EPB41L4A: variants seen among roughly 807,000 people sequenced by gnomAD.
EPB41L4A encodes the protein erythrocyte membrane protein band 4.1 like 4A.
A neutral mutation model predicts 108.6 loss-of-function variants in EPB41L4A; 100 were observed. The ratio of observed to expected loss-of-function variants is 0.92; its 90% CI spans 0.78 to 1.09. The LOEUF (loss-of-function observed/expected upper bound fraction) is 1.09. Among genes scored for constraint, EPB41L4A ranks in the 50% least tolerant of loss-of-function variants. EPB41L4A has a pLI of 0.00. For missense variants in EPB41L4A, 1,030 were observed against 842.7 expected, an observed-to-expected ratio of 1.22 and a Z score of -2.75; for synonymous variants, 319 against 289.0, an observed-to-expected ratio of 1.10 and a Z score of -1.05.
chr5:112,214,363 ACTG>A (rs1438868740), intron 12 of EPB41L4A, among the ~76,000 whole-genome samples: 4 of 152,224 alleles, frequency 2.6e-5, no homozygotes, highest in African/African-American at 9.6e-5. Context: ...CCCCACCACC[ACTG>A]CTTTTTCATT....
intron 2 of EPB41L4A, among the ~76,000 whole-genome samples, chr5:112,303,456 A>C (rs1050558060): frequency 2.0e-5 from 3 of 152,198 alleles, no homozygotes; most frequent in Non-Finnish European, 2.9e-5. Flanking sequence ...GCCTGAACAG[A>C]GTTAGAGCCT....
intron 1 of EPB41L4A, among the ~76,000 whole-genome samples, chr5:112,312,948 A>G (rs1184775313): frequency 1.3e-5 from 2 of 152,226 alleles, no homozygotes; most frequent in Non-Finnish European, 1.5e-5. Context: ...CAATTAAAGT[A>G]TATTTGTCCA....
At chr5:112,404,957 T>G (rs1363665967) in intron 1 of EPB41L4A, among the ~76,000 whole-genome samples, 1 of 152,142 alleles carries the variant, frequency 6.6e-6, no homozygotes, top group Non-Finnish European at 1.5e-5. Context: ...AAATCTCTTC[T>G]CCAAATCTAA....
chr5:112,195,743 G>C, intron 15 of EPB41L4A, 35 bp from the exon 16 acceptor site: 1 of 1,589,812 alleles, frequency 6.3e-7, no homozygotes. Flanking sequence ...AAGAAAACAG[G>C]AGATTATCAA....
intron 12 of EPB41L4A, among the ~76,000 whole-genome samples, chr5:112,233,692 C>T (rs1561496055): frequency 6.6e-6 from 1 of 152,092 alleles, no homozygotes; most frequent in African/African-American, 2.4e-5. Flanking sequence ...GGACGACAGC[C>T]TTACCATCAT....
At position 112,265,471 on chromosome 5, in the gene EPB41L4A, C is replaced by T. The variant is rs183299369; in HGVS notation, c.434-455G>A. ...AAATGCAATACAATGCTGCACATATCCCATTACAATTTACACAAAGAAGCA... is the reference window on the plus strand; with the variant it reads ...AAATGCAATACAATGCTGCACATATTCCATTACAATTTACACAAAGAAGCA... On this transcript the variant is annotated intron_variant, in intron 5 of 22. Coordinates refer to ENST00000261486, the MANE Select transcript of EPB41L4A (RefSeq NM_022140.5). 1.1e-3 allele frequency among the ~76,000 whole-genome samples: 166 copies of T among 152,244 alleles called. 1 individual carries two copies. The highest frequency in any genetic ancestry group is 8.3e-3 in the South Asian group (40 of 4,822).
intron 1 of EPB41L4A, among the ~76,000 whole-genome samples, chr5:112,373,477 G>C (rs1382404800): frequency 6.6e-6 from 1 of 152,188 alleles, no homozygotes; most frequent in African/African-American, 2.4e-5. Flanking sequence ...ACAGAAACCA[G>C]CAACCACCTA....
intron 1 of EPB41L4A, among the ~76,000 whole-genome samples, chr5:112,373,101 A>G (rs1312054700): frequency 6.6e-6 from 1 of 152,226 alleles, no homozygotes; most frequent in Non-Finnish European, 1.5e-5. Context: ...AGATCCCCAC[A>G]CTGCAGACTG....
intron 10 of EPB41L4A, among the ~76,000 whole-genome samples, chr5:112,240,126 C>T (rs551567654): frequency 6.6e-6 from 1 of 152,272 alleles, no homozygotes; most frequent in South Asian, 2.1e-4. Flanking sequence ...CCTCGTTTCC[C>T]AGGATACAAC....
intron 9 of EPB41L4A, among the ~76,000 whole-genome samples, chr5:112,248,656 A>T (rs1750411052): frequency 6.6e-6 from 1 of 151,528 alleles, no homozygotes; most frequent in African/African-American, 2.4e-5. Flanking sequence ...TTCCAACCTA[A>T]CTCCCTCTGG....
At chr5:112,299,857 A>G (rs1188506175) in intron 2 of EPB41L4A, among the ~76,000 whole-genome samples, 1 of 152,160 alleles carries the variant, frequency 6.6e-6, no homozygotes, top group Non-Finnish European at 1.5e-5. Flanking sequence ...AAGTGCATAT[A>G]TATTTGGGAC....
intron 1 of EPB41L4A, among the ~76,000 whole-genome samples, chr5:112,356,264 C>A (rs72783603): frequency 0.01 from 1,530 of 152,190 alleles, 9 homozygotes; most frequent in Non-Finnish European, 0.016. Context: ...CAACAGAAAA[C>A]CAAAATAAAT....
intron 12 of EPB41L4A, among the ~76,000 whole-genome samples, chr5:112,229,042 A>C (rs1222238037): frequency 6.6e-6 from 1 of 152,226 alleles, no homozygotes; most frequent in Non-Finnish European, 1.5e-5. Flanking sequence ...ACTGGGATGC[A>C]AGTTAAGGGG....
intron 22 of EPB41L4A, 82 bp from the exon 23 acceptor site, chr5:112,165,200 G>A (rs1760169512): frequency 3.7e-6 from 4 of 1,071,444 alleles, no homozygotes; most frequent in Non-Finnish European, 5.4e-6. Flanking sequence ...AAACCAAGCT[G>A]CTCTTAAATT....
chr5:112,302,633 C>A (rs56219213), intron 2 of EPB41L4A, among the ~76,000 whole-genome samples: 9,285 of 152,224 alleles, frequency 0.061, 314 homozygotes, highest in Non-Finnish European at 0.068. Flanking sequence ...GGGAGACTCA[C>A]TCAATGCCAC....
At chr5:112,155,039 A>G (rs1759601649) in intron 12 of EPB41L4A, among the ~76,000 whole-genome samples, 1 of 152,140 alleles carries the variant, frequency 6.6e-6, no homozygotes, top group Non-Finnish European at 1.5e-5. Context: ...ATGTCCATTA[A>G]GGAAACTGAA....
chr5:112,216,501 A>T (rs1747653891), intron 12 of EPB41L4A, among the ~76,000 whole-genome samples: 1 of 152,212 alleles, frequency 6.6e-6, no homozygotes, highest in African/African-American at 2.4e-5. Context: ...TAAACAAGTA[A>T]AACAAGGTTG....
At chr5:112,319,750 T>C (rs914884263) in intron 1 of EPB41L4A, among the ~76,000 whole-genome samples, 1 of 152,128 alleles carries the variant, frequency 6.6e-6, no homozygotes, top group Admixed American at 6.5e-5. Flanking sequence ...CAATAAATAA[T>C]TCTAGATTGG....
At chr5:112,276,514 T>A (rs781177317) in intron 3 of EPB41L4A, among the ~76,000 whole-genome samples, 1 of 152,206 alleles carries the variant, frequency 6.6e-6, no homozygotes, top group Non-Finnish European at 1.5e-5. Context: ...AAAGGATTTG[T>A]TTTGTTACCT....
Sources: gnomAD v4.1 joint callset for allele counts (sites outside exome capture counted in the v4.1 genomes callset) on GRCh38, gnomAD v4.1.1 for gene constraint, MANE v1.5 for transcripts, NCBI Gene and HGNC (gene_info 2026-07-23, HGNC 2026-07-21) for gene names.